Variants in ZNF385B observed in about 807,000 individuals in gnomAD.
ZNF385B encodes zinc finger protein 385B.
ZNF385B carries 23 observed loss-of-function variants against 39.2 expected under a neutral mutation model. The observed-to-expected ratio is 0.59, with a 90% CI of 0.42 to 0.83. ZNF385B has a LOEUF of 0.83. ZNF385B is among the 40% of genes least tolerant of loss of function. The probability of loss-of-function intolerance (pLI) is 0.00; values close to 1 mark genes in which losing one functional copy is unlikely to be tolerated. For missense variants in ZNF385B, 552 were observed against 598.9 expected (o/e 0.92, Z 0.82); for synonymous variants, 205 against 222.6 (o/e 0.92, Z 0.70).
At chr2:179,686,204 A>G (rs11690551) in intron 3 of ZNF385B, among the ~76,000 whole-genome samples, 51,055 of 151,986 alleles carry the variant, frequency 0.34, 8,892 homozygotes, top group Non-Finnish European at 0.38. Flanking sequence ...TGTCCCCTTT[A>G]ACAGCTGTAG....
intron 3 of ZNF385B, among the ~76,000 whole-genome samples, chr2:179,756,119 C>A (rs356416): frequency 0.84 from 127,217 of 151,800 alleles, 53,431 homozygotes; most frequent in East Asian, 0.99. Flanking sequence ...GGCTGGTACC[C>A]GTTGTTCCTT....
At chr2:179,474,353 G>T (rs1044584720) in intron 6 of ZNF385B, among the ~76,000 whole-genome samples, 1 of 151,972 alleles carries the variant, frequency 6.6e-6, no homozygotes, top group Non-Finnish European at 1.5e-5. Context: ...AGTAATTGAG[G>T]TTTTTGCCAT....
intron 5 of ZNF385B, among the ~76,000 whole-genome samples, chr2:179,487,575 G>A (rs1038392345): frequency 6.6e-6 from 1 of 152,160 alleles, no homozygotes; most frequent in South Asian, 2.1e-4. Context: ...ACAAGGACAG[G>A]AGCCAGAAAA....
At chr2:179,703,479 T>G (rs1699365404) in intron 3 of ZNF385B, among the ~76,000 whole-genome samples, 1 of 152,218 alleles carries the variant, frequency 6.6e-6, no homozygotes, top group African/African-American at 2.4e-5. Flanking sequence ...ACCTTGTATA[T>G]TGTCTGTCTC....
At chr2:179,798,064 T>A (rs1369686515) in intron 1 of ZNF385B, among the ~76,000 whole-genome samples, 1 of 152,066 alleles carries the variant, frequency 6.6e-6, no homozygotes, top group Non-Finnish European at 1.5e-5. Context: ...CTTCCACAGG[T>A]GGCCACGGAG....
intron 3 of ZNF385B, among the ~76,000 whole-genome samples, chr2:179,662,150 C>G (rs535510725): frequency 2.0e-4 from 30 of 152,230 alleles, no homozygotes; most frequent in African/African-American, 5.8e-4. Flanking sequence ...CAATCCATTG[C>G]ATGAAAGGAC....
At chr2:179,592,352 A>T (rs931531678) in intron 3 of ZNF385B, among the ~76,000 whole-genome samples, 2 of 152,204 alleles carry the variant, frequency 1.3e-5, no homozygotes, top group African/African-American at 4.8e-5. Flanking sequence ...AGCACTGACC[A>T]CTGTAATTTA....
At chr2:179,653,721 C>T (rs1048865161) in intron 3 of ZNF385B, among the ~76,000 whole-genome samples, 1 of 152,098 alleles carries the variant, frequency 6.6e-6, no homozygotes, top group Admixed American at 6.6e-5. Context: ...TTCTACCACA[C>T]TGAAGTACCC....
intron 3 of ZNF385B, among the ~76,000 whole-genome samples, chr2:179,592,860 C>G (rs184842927): frequency 1.3e-5 from 2 of 152,118 alleles, no homozygotes; most frequent in East Asian, 3.9e-4. Flanking sequence ...GAGCAGGCCC[C>G]AATGGATTCT....
intron 4 of ZNF385B, among the ~76,000 whole-genome samples, chr2:179,533,578 T>C (rs1411039813): frequency 6.6e-6 from 1 of 152,008 alleles, no homozygotes; most frequent in East Asian, 1.9e-4. Flanking sequence ...TTTCATGTGA[T>C]TGGCAATTTA....
chr2:179,758,641 T>C (rs1221664118), intron 3 of ZNF385B, among the ~76,000 whole-genome samples: 1 of 152,206 alleles, frequency 6.6e-6, no homozygotes, highest in Non-Finnish European at 1.5e-5. Context: ...GCAGCTTCTG[T>C]TCTTGCTGTC....
At chr2:179,782,856 T>A (rs766687067) in intron 1 of ZNF385B, among the ~76,000 whole-genome samples, 1 of 152,112 alleles carries the variant, frequency 6.6e-6, no homozygotes, top group Non-Finnish European at 1.5e-5. Context: ...TGGAAAAACA[T>A]CCCATGCTCA....
At chr2:179,512,397 C>T (rs2057751367) in intron 5 of ZNF385B, among the ~76,000 whole-genome samples, 1 of 152,120 alleles carries the variant, frequency 6.6e-6, no homozygotes, top group Non-Finnish European at 1.5e-5. Flanking sequence ...CCTTCTGCTA[C>T]TATCCTCCAA....
chr2:179,578,289 A>T (rs1261415296), intron 3 of ZNF385B, among the ~76,000 whole-genome samples: 2 of 152,140 alleles, frequency 1.3e-5, no homozygotes, highest in African/African-American at 2.4e-5. Context: ...AGTTGGGAAA[A>T]GAAAACAAAT....
intron 1 of ZNF385B, among the ~76,000 whole-genome samples, chr2:179,841,786 G>A (rs112557877): frequency 1.2e-4 from 19 of 152,292 alleles, no homozygotes; most frequent in African/African-American, 4.3e-4. Flanking sequence ...CAGGTCATGA[G>A]TAGTAGAAAG....
chr2:179,675,579 C>T (rs57697713), intron 3 of ZNF385B, among the ~76,000 whole-genome samples: 253 of 152,186 alleles, frequency 1.7e-3, no homozygotes, highest in African/African-American at 5.9e-3. Flanking sequence ...GAAGGCAGAA[C>T]TGAAGAGTGA....
chr2:179,610,239 A>G (rs1282984370), intron 3 of ZNF385B, among the ~76,000 whole-genome samples: 1 of 152,170 alleles, frequency 6.6e-6, no homozygotes, highest in Non-Finnish European at 1.5e-5. Context: ...GTATATGGCA[A>G]GAGATAGGGG....
chr2:179,500,152 A>T (rs1434042341), intron 5 of ZNF385B, among the ~76,000 whole-genome samples: 1 of 152,146 alleles, frequency 6.6e-6, no homozygotes, highest in Non-Finnish European at 1.5e-5. Context: ...AAGTGAAAGG[A>T]TATTCCATGT....
At chr2:179,760,834 T>C (rs370595879) in intron 3 of ZNF385B, among the ~76,000 whole-genome samples, 2 of 152,282 alleles carry the variant, frequency 1.3e-5, no homozygotes, top group East Asian at 3.9e-4. Flanking sequence ...GGCCCAGGAA[T>C]TCTAGGGCAG....
Sources: allele counts gnomAD v4.1 joint callset (sites outside exome capture counted in the v4.1 genomes callset), GRCh38; gene constraint gnomAD v4.1.1; transcripts MANE v1.5; gene names NCBI Gene and HGNC (gene_info 2026-07-23, HGNC 2026-07-21).